The following KAZN variants were observed in gnomAD, a reference collection of about 807,000 sequenced individuals.
The protein encoded by KAZN is kazrin.
Under a neutral mutation model 87.4 loss-of-function variants are expected in KAZN, and 40 were observed. The ratio of observed to expected loss-of-function variants is 0.46; its 90% CI spans 0.36 to 0.60. The LOEUF (loss-of-function observed/expected upper bound fraction) is 0.60. Ranked by LOEUF, KAZN falls within the 20% of genes least tolerant of loss-of-function variation. KAZN has a pLI of 0.00. For synonymous variants in KAZN, 466 were observed against 458.3 expected (o/e 1.02, Z -0.22); for missense variants, 898 against 1,073.9 (o/e 0.84, Z 2.29).
chr1:15,041,181 C>T (rs1672857060), intron 3 of KAZN, among the ~76,000 whole-genome samples: 2 of 150,806 alleles, frequency 1.3e-5, no homozygotes, highest in South Asian at 4.2e-4. Flanking sequence ...AGGCTGGTCT[C>T]GAGCTCCTGA....
Position 14,070,356 on chromosome 1 carries a change from A to G in KAZN, c.92-110079A>G, listed in dbSNP as rs905627113. ...TATTTGTAAGGAATTTCACAAATCC[A>G]CATACAGAAAATACATACAGAAAAG... On this transcript the variant is annotated intron_variant, in intron 1 of 16. Coordinates refer to the KAZN transcript ENST00000636203. 5.3e-5 allele frequency among the ~76,000 whole-genome samples: 8 copies of G among 152,148 alleles called. No homozygotes were observed. The South Asian group carries it at 1.7e-3, about 32-fold the overall frequency.
intron 1 of KAZN, among the ~76,000 whole-genome samples, chr1:14,811,915 C>T (rs1293502955): frequency 1.3e-5 from 2 of 152,128 alleles, no homozygotes; most frequent in Admixed American, 6.5e-5. Context: ...AAAACTTGAA[C>T]CTGAGAAGGG....
intron 1 of KAZN, among the ~76,000 whole-genome samples, chr1:14,631,091 C>T (rs1399383354): frequency 6.6e-6 from 1 of 152,128 alleles, no homozygotes; most frequent in Non-Finnish European, 1.5e-5. Flanking sequence ...GGAACATCCC[C>T]TACCCTGCTG....
At chr1:15,114,254 G>A (rs1023617333) in intron 14 of KAZN, 28 of 497,028 alleles carry the variant, frequency 5.6e-5, no homozygotes, top group Non-Finnish European at 8.7e-5. Context: ...GAATCCTTCC[G>A]GGGGCAGGGG....
At chr1:13,895,161 G>A (rs1441586491) in intron 1 of KAZN, among the ~76,000 whole-genome samples, 1 of 152,182 alleles carries the variant, frequency 6.6e-6, no homozygotes, top group African/African-American at 2.4e-5. Context: ...AGTAGACAAT[G>A]GAAGCATTGA....
In KAZN at chr1:14,273,870, G is replaced by A. The variant is rs202156275; in HGVS notation, c.249+93278G>A. ...TTTGATTATTCTCTGGGGCTTTGAT[G>A]AAAAGGATTTCCTAAGTAAAAGCGC... On this transcript the variant is annotated intron_variant, in intron 2 of 16. Coordinates refer to the KAZN transcript ENST00000636203. Among the ~76,000 whole-genome samples the A allele has an allele frequency of 5.9e-5, 9 of 151,908 alleles. No individual in the cohort carries two copies. The East Asian group carries it at 1.7e-3, about 29-fold the overall frequency.
chr1:14,761,471 C>A (rs764358614), intron 1 of KAZN, among the ~76,000 whole-genome samples: 1 of 152,172 alleles, frequency 6.6e-6, no homozygotes, highest in African/African-American at 2.4e-5. Context: ...ATCCTCAGCC[C>A]GTAGCACAGG....
intron 8 of KAZN, among the ~76,000 whole-genome samples, chr1:15,078,053 A>G (rs1386334972): frequency 6.6e-6 from 1 of 152,190 alleles, no homozygotes; most frequent in Middle Eastern, 3.2e-3. Context: ...ATCCTCACCA[A>G]AGTCACGTAA....
intron 2 of KAZN, among the ~76,000 whole-genome samples, chr1:15,031,840 G>T (rs535229775): frequency 2.6e-5 from 4 of 152,224 alleles, no homozygotes. Context: ...CGAGCTCCTG[G>T]ACTCAAGCAA....
At chr1:13,969,734 T>C (rs549229076) in intron 1 of KAZN, among the ~76,000 whole-genome samples, 3 of 152,268 alleles carry the variant, frequency 2.0e-5, no homozygotes, top group South Asian at 4.1e-4. Flanking sequence ...TGAGGTTCCA[T>C]GTGACACCAG....
chr1:14,524,532 C>A (rs1671765859), intron 2 of KAZN, among the ~76,000 whole-genome samples: 1 of 152,086 alleles, frequency 6.6e-6, no homozygotes, highest in Non-Finnish European at 1.5e-5. Flanking sequence ...GTCTTTGACG[C>A]TAATTGATTT....
chr1:14,103,861 T>TG, intron 1 of KAZN, among the ~76,000 whole-genome samples: 1 of 152,260 alleles, frequency 6.6e-6, no homozygotes, highest in Non-Finnish European at 1.5e-5. Flanking sequence ...GAGACATCGT[T>TG]GGGGGCCATT....
At chr1:14,130,255 A>C (rs12405046) in intron 1 of KAZN, among the ~76,000 whole-genome samples, 1 of 152,100 alleles carries the variant, frequency 6.6e-6, no homozygotes, top group Non-Finnish European at 1.5e-5. Flanking sequence ...TGGGGAGGGC[A>C]GGTGGCTGGG....
At chr1:14,557,760 A>G (rs1673998891) in intron 2 of KAZN, among the ~76,000 whole-genome samples, 1 of 151,856 alleles carries the variant, frequency 6.6e-6, no homozygotes, top group Non-Finnish European at 1.5e-5. Context: ...CTGAAAGGTG[A>G]ATTGGCAAGC....
intron 1 of KAZN, among the ~76,000 whole-genome samples, chr1:14,652,571 A>G (rs1638491224): frequency 2.4e-4 from 1 of 4,226 alleles, no homozygotes; most frequent in Non-Finnish European, 4.6e-4. Context: ...CCACCCACCC[A>G]CTCATCCACC....
At chr1:14,640,703 C>A (rs543610297) in intron 1 of KAZN, among the ~76,000 whole-genome samples, 2 of 152,338 alleles carry the variant, frequency 1.3e-5, no homozygotes, top group Admixed American at 6.5e-5. Context: ...TCTAGCTACT[C>A]CTCCCTGGCA....
At chr1:14,493,477 G>A (rs1402767490) in intron 2 of KAZN, among the ~76,000 whole-genome samples, 1 of 151,418 alleles carries the variant, frequency 6.6e-6, no homozygotes, top group Non-Finnish European at 1.5e-5. Context: ...ACCTCCTTGG[G>A]GAGGAAGATG....
At chr1:14,255,472 C>A (rs549597625) in intron 2 of KAZN, among the ~76,000 whole-genome samples, 1 of 152,190 alleles carries the variant, frequency 6.6e-6, no homozygotes, top group Non-Finnish European at 1.5e-5. Context: ...GACGGAGGCT[C>A]ACAGAAACGG....
At position 14,389,157 on chromosome 1, in the gene KAZN, T is replaced by TCTCAC. The variant is rs376003196; in HGVS notation, c.249+208569_249+208573dup. ...AAATCAAAACTACAATGAGGTATCA[T>TCTCAC]CTCACCTCTGCTAAAATGGCTTTTC... On this transcript the variant is annotated intron_variant, in intron 2 of 16. Coordinates refer to the KAZN transcript ENST00000636203. 2.9e-3 allele frequency among the ~76,000 whole-genome samples: 441 copies of TCTCAC among 152,304 alleles called. 1 individual carries two copies. The highest frequency in any genetic ancestry group is 9.6e-3 in the African/African-American group (400 of 41,550).
Sources: allele counts gnomAD v4.1 joint callset (sites outside exome capture counted in the v4.1 genomes callset), GRCh38; gene constraint gnomAD v4.1.1; transcripts MANE v1.5; gene names NCBI Gene and HGNC (gene_info 2026-07-23, HGNC 2026-07-21).